The following SDK1 variants were observed in gnomAD, a reference collection of about 807,000 sequenced individuals.
SDK1 encodes sidekick cell adhesion molecule 1, also known as protein sidekick-1.
In SDK1, 157 loss-of-function variants were observed where a neutral mutation model predicts 245.5. That is an observed-to-expected ratio of 0.64 (90% CI 0.56 to 0.73). SDK1 has a LOEUF of 0.73. Among genes scored for constraint, SDK1 ranks in the 30% least tolerant of loss-of-function variants. The probability of loss-of-function intolerance (pLI) is 0.00; values close to 1 mark genes in which losing one functional copy is unlikely to be tolerated. For synonymous variants in SDK1, 1,647 were observed against 1,278.5 expected, an observed-to-expected ratio of 1.29 and a Z score of -6.15; for missense variants, 3,583 against 3,002.3, an observed-to-expected ratio of 1.19 and a Z score of -4.52.
intron 1 of SDK1, among the ~76,000 whole-genome samples, chr7:3,519,692 A>C (rs1379597557): frequency 6.6e-6 from 1 of 152,184 alleles, no homozygotes; most frequent in Non-Finnish European, 1.5e-5. Context: ...ACGCATAAAA[A>C]ATATGTAGAG....
chr7:3,863,351 C>G (rs776715861), intron 5 of SDK1, among the ~76,000 whole-genome samples: 1 of 152,212 alleles, frequency 6.6e-6, no homozygotes, highest in Non-Finnish European at 1.5e-5. Flanking sequence ...TCCACTGATG[C>G]CTTACTGCCC....
rs1197977435 is a variant in SDK1, at chr7:4,267,184, C to G, written c.*1800C>G. 1 of 966,916 alleles carries G rather than the reference C, an allele frequency of 1.0e-6. No homozygotes were observed. Among genetic ancestry groups the G allele is most frequent in the East Asian group, 1.2e-4 (1 of 8,688 alleles). 59.9% of individuals were successfully genotyped at this position (966,916 alleles called of 1,614,324 possible). A position where few individuals can be genotyped will look rare whatever the true frequency, so the allele number is the denominator to read the frequency against. On this transcript the variant is annotated 3_prime_UTR_variant, in exon 45 of 45. Coordinates refer to ENST00000404826, the MANE Select transcript of SDK1 (RefSeq NM_152744.4). Reference sequence around the variant, plus strand: ...GTTTCCTTTTTTCTCTCCTCCCTTCCTTCCCCTCCTTCCTTTCCTTTACCC... The same window carrying G: ...GTTTCCTTTTTTCTCTCCTCCCTTCGTTCCCCTCCTTCCTTTCCTTTACCC...
intron 4 of SDK1, among the ~76,000 whole-genome samples, chr7:3,707,090 C>T (rs1784913664): frequency 6.6e-6 from 1 of 151,952 alleles, no homozygotes; most frequent in Admixed American, 6.5e-5. Flanking sequence ...TTTTCTTCTG[C>T]TAGCTTTGGG....
intron 1 of SDK1, among the ~76,000 whole-genome samples, chr7:3,458,312 T>C (rs1467967638): frequency 1.3e-5 from 2 of 152,166 alleles, no homozygotes; most frequent in African/African-American, 4.8e-5. Context: ...GAAATTCATT[T>C]AGGATATAAG....
At chr7:3,974,631 C>G (rs139503450) in intron 13 of SDK1, 86 bp downstream of exon 13, 28 of 1,330,900 alleles carry the variant, frequency 2.1e-5, no homozygotes, top group Middle Eastern at 1.8e-4. Context: ...TCACAAGTGT[C>G]ACGCCCGGCT....
At chr7:3,640,052 G>T (rs991332342) in intron 3 of SDK1, among the ~76,000 whole-genome samples, 2 of 151,920 alleles carry the variant, frequency 1.3e-5, no homozygotes, top group African/African-American at 4.8e-5. Flanking sequence ...GGGAGGGATC[G>T]CACTGCATTG....
At chr7:4,264,275 G>A (rs1397234982) in intron 44 of SDK1, among the ~76,000 whole-genome samples, 2 of 94,336 alleles carry the variant, frequency 2.1e-5, no homozygotes, top group Non-Finnish European at 4.3e-5. Flanking sequence ...GGGAGGCCGC[G>A]TAGACCTCTC....
chr7:3,712,567 T>A (rs112252420), intron 4 of SDK1, among the ~76,000 whole-genome samples: 4,710 of 152,292 alleles, frequency 0.031, 239 homozygotes, highest in African/African-American at 0.11. Context: ...ATGAAACTGG[T>A]CCCTGGTGCC....
intron 1 of SDK1, among the ~76,000 whole-genome samples, chr7:3,575,055 G>A (rs976491827): frequency 9.9e-5 from 15 of 151,946 alleles, no homozygotes; most frequent in Non-Finnish European, 1.9e-4. Context: ...TGCCTCCTTT[G>A]CCTCTTACAA....
intron 1 of SDK1, among the ~76,000 whole-genome samples, chr7:3,364,505 C>A (rs1212650337): frequency 1.3e-5 from 2 of 152,152 alleles, no homozygotes; most frequent in Non-Finnish European, 2.9e-5. Flanking sequence ...CATGGATATG[C>A]AATTGCTCCT....
At chr7:3,899,785 C>T (rs1781720896) in intron 5 of SDK1, among the ~76,000 whole-genome samples, 1 of 152,204 alleles carries the variant, frequency 6.6e-6, no homozygotes, top group African/African-American at 2.4e-5. Flanking sequence ...CTCCACGCAT[C>T]CCTGAAGGCT....
intron 17 of SDK1, among the ~76,000 whole-genome samples, chr7:4,028,380 A>G (rs1349939772): frequency 6.6e-6 from 1 of 152,198 alleles, no homozygotes; most frequent in Non-Finnish European, 1.5e-5. Context: ...ACAATAAGCA[A>G]CAGTCCCCGT....
chr7:4,252,939 G>T (rs1273794629), intron 44 of SDK1, among the ~76,000 whole-genome samples: 1 of 149,068 alleles, frequency 6.7e-6, no homozygotes, highest in South Asian at 2.2e-4. Flanking sequence ...TTATAGTTGT[G>T]TACAGTTGTT....
intron 1 of SDK1, among the ~76,000 whole-genome samples, chr7:3,555,694 C>T (rs1331676231): frequency 6.6e-6 from 1 of 151,946 alleles, no homozygotes; most frequent in Non-Finnish European, 1.5e-5. Flanking sequence ...TAGTAACCAG[C>T]ATATATAAGG....
intron 5 of SDK1, among the ~76,000 whole-genome samples, chr7:3,828,540 G>A (rs73036418): frequency 0.13 from 19,671 of 151,242 alleles, 1,448 homozygotes; most frequent in Middle Eastern, 0.31. Flanking sequence ...AAAATTAATT[G>A]AATGTCAATA....
intron 26 of SDK1, among the ~76,000 whole-genome samples, chr7:4,128,664 G>T (rs1360818898): frequency 4.2e-5 from 6 of 141,692 alleles, no homozygotes. Flanking sequence ...CTTGGGGTGG[G>T]GTGCCCTGGA....
Position 3,933,081 on chromosome 7 carries a change from C to T in SDK1, c.848-17842C>T, listed in dbSNP as rs1029287894. Among the ~76,000 whole-genome samples the T allele has an allele frequency of 6.6e-5, 10 of 150,714 alleles. 1 individual carries two copies. The highest frequency in any genetic ancestry group is 2.6e-4 in the Admixed American group (4 of 15,146). ...TGGAGATGAGGGTAGCACAAATCCTCTCTCCATCCTCCGCATCCTCCGGCG... is the reference window on the plus strand; with the variant it reads ...TGGAGATGAGGGTAGCACAAATCCTTTCTCCATCCTCCGCATCCTCCGGCG... On this transcript the variant is annotated intron_variant, in intron 5 of 44. Transcript: ENST00000404826.
At chr7:3,599,949 T>C (rs986843963) in intron 1 of SDK1, among the ~76,000 whole-genome samples, 4 of 152,244 alleles carry the variant, frequency 2.6e-5, no homozygotes, top group Admixed American at 2.0e-4. Flanking sequence ...AATAATCTTG[T>C]ATATATCTAT....
chr7:3,653,283 C>T (rs1343173687), intron 4 of SDK1, among the ~76,000 whole-genome samples: 1 of 152,198 alleles, frequency 6.6e-6, no homozygotes, highest in Admixed American at 6.5e-5. Flanking sequence ...CCCTTCCCTC[C>T]TCACTCCAGG....
Sources: allele counts gnomAD v4.1 joint callset (sites outside exome capture counted in the v4.1 genomes callset), GRCh38; gene constraint gnomAD v4.1.1; transcripts MANE v1.5; gene names NCBI Gene and HGNC (gene_info 2026-07-23, HGNC 2026-07-21).